Variants in RASGRF2 observed in about 807,000 individuals in gnomAD.
The protein encoded by RASGRF2 is ras-specific guanine nucleotide-releasing factor 2.
In RASGRF2, 76 loss-of-function variants were observed where a neutral mutation model predicts 151.0. The observed-to-expected ratio is 0.50, with a 90% CI of 0.42 to 0.61. The LOEUF (loss-of-function observed/expected upper bound fraction) is 0.61. Ranked by LOEUF, RASGRF2 falls within the 20% of genes least tolerant of loss-of-function variation. The probability of loss-of-function intolerance (pLI) is 0.00; values close to 1 mark genes in which losing one functional copy is unlikely to be tolerated. For synonymous variants in RASGRF2, 504 were observed against 566.5 expected, an observed-to-expected ratio of 0.89 and a Z score of 1.57; for missense variants, 1,148 against 1,564.6, an observed-to-expected ratio of 0.73 and a Z score of 4.49.
chr5:81,183,027 T>G (rs1164697871), intron 18 of RASGRF2, among the ~76,000 whole-genome samples: 3 of 152,218 alleles, frequency 2.0e-5, no homozygotes, highest in African/African-American at 7.2e-5. Context: ...TTGTACTAGT[T>G]GAGTCCATTT....
In RASGRF2 at chr5:81,227,823, A is replaced by C. The variant is rs1004058788; in HGVS notation, c.*2053A>C. ...TTCTACTCTGCCTTGGAGTTGCCAGAGTCCTTCAGAGGGAAAGGGATGGTT... is the reference window on the plus strand; with the variant it reads ...TTCTACTCTGCCTTGGAGTTGCCAGCGTCCTTCAGAGGGAAAGGGATGGTT... On this transcript the variant is annotated 3_prime_UTR_variant, in exon 27 of 27. Transcript: ENST00000265080. 1.4e-4 allele frequency: 22 copies of C among 152,176 alleles called. No homozygotes were observed. Among genetic ancestry groups the C allele is most frequent in the African/African-American group, 5.3e-4 (22 of 41,430 alleles). 9.4% of individuals were successfully genotyped at this position (152,176 alleles called of 1,614,324 possible). A position where few individuals can be genotyped will look rare whatever the true frequency, so the allele number is the denominator to read the frequency against.
chr5:81,038,522 G>A (rs903220719), intron 1 of RASGRF2, among the ~76,000 whole-genome samples: 1 of 130,752 alleles, frequency 7.6e-6, no homozygotes, highest in Non-Finnish European at 1.7e-5. Flanking sequence ...TTTTTTGCCT[G>A]TATTTATATT....
chr5:81,131,268 C>T (rs1382310571), intron 17 of RASGRF2, among the ~76,000 whole-genome samples: 3 of 152,002 alleles, frequency 2.0e-5, no homozygotes, highest in African/African-American at 7.2e-5. Context: ...TGGGTGGTGC[C>T]CTGTGATCTG....
rs532126482 is a variant in RASGRF2 at position 81,225,547 on chromosome 5, T to G, written c.3622-131T>G. 2,641 of 1,381,558 alleles carry G rather than the reference T, an allele frequency of 1.9e-3. 3 individuals are homozygous for G. The highest frequency in any genetic ancestry group is 2.1e-3 in the Non-Finnish European group (2,175 of 1,046,188). 85.6% of individuals were successfully genotyped at this position (1,381,558 alleles called of 1,614,324 possible). The stretch of plus-strand genomic sequence containing the variant: ...TTTTTTTTTAACAATGGAAACATAT[T>G]TATGATTTTTTGGTCAAATAAGATT... On this transcript the variant is annotated intron_variant, in intron 26 of 26. Coordinates refer to ENST00000265080, the MANE Select transcript of RASGRF2 (RefSeq NM_006909.3).
rs527973086 is a variant in RASGRF2, at chr5:80,985,958, C to T, written c.288+24932C>T. ...GTGTGTGTGTGTATGTGTGTGTAAG[C>T]GTTTTATTTGTTTCCATGGTGAAAT... On this transcript the variant is annotated intron_variant, in intron 1 of 26. Coordinates refer to ENST00000265080, the MANE Select transcript of RASGRF2 (RefSeq NM_006909.3). Among the ~76,000 whole-genome samples the T allele has an allele frequency of 4.0e-5, 6 of 151,724 alleles. No homozygotes were observed. In the South Asian group the frequency reaches 1.0e-3, roughly 26 times the overall value.
chr5:81,003,636 A>G (rs1749170210), intron 1 of RASGRF2, among the ~76,000 whole-genome samples: 1 of 152,238 alleles, frequency 6.6e-6, no homozygotes, highest in Admixed American at 6.5e-5. Context: ...TGCTGAGATT[A>G]CAGGCATGAG....
At chr5:81,060,060 GC>G (rs889135283) in intron 2 of RASGRF2, among the ~76,000 whole-genome samples, 7 of 152,112 alleles carry the variant, frequency 4.6e-5, no homozygotes, top group Non-Finnish European at 1.5e-5. Context: ...GAGAGAAGAT[GC>G]CACACATTTT....
At chr5:81,102,974 G>A (rs1027438257) in intron 12 of RASGRF2, among the ~76,000 whole-genome samples, 4 of 152,036 alleles carry the variant, frequency 2.6e-5, no homozygotes, top group Admixed American at 2.0e-4. Flanking sequence ...TAGAATTAGC[G>A]CTACAAGAAC....
chr5:81,188,213 A>T (rs905795793), intron 18 of RASGRF2, among the ~76,000 whole-genome samples: 3 of 152,106 alleles, frequency 2.0e-5, no homozygotes, highest in African/African-American at 7.2e-5. Flanking sequence ...CTGCCCCTTA[A>T]AGAGCGGATC....
At chr5:81,208,935 A>G (rs1755572346) in intron 22 of RASGRF2, among the ~76,000 whole-genome samples, 1 of 152,202 alleles carries the variant, frequency 6.6e-6, no homozygotes, top group Admixed American at 6.5e-5. Flanking sequence ...ATAATGTCCA[A>G]TTAACTTCCT....
At chr5:81,182,441 C>T (rs537191262) in intron 18 of RASGRF2, among the ~76,000 whole-genome samples, 4 of 152,304 alleles carry the variant, frequency 2.6e-5, no homozygotes, top group East Asian at 1.9e-4. Flanking sequence ...AGTACACGAC[C>T]GTGTGCAGGA....
intron 1 of RASGRF2, among the ~76,000 whole-genome samples, chr5:81,025,505 A>G (rs1335138368): frequency 6.6e-6 from 1 of 152,180 alleles, no homozygotes; most frequent in Non-Finnish European, 1.5e-5. Context: ...CTCCGTGAAG[A>G]AATTTATGAT....
rs1466151520 is a variant in RASGRF2, at chr5:81,094,356, G to A, written c.1612G>A (p.Asp538Asn). ...TLIEEPDASD[D>N]DSKGSGQVFG... is the part of the protein sequence containing the mutation. Reference sequence around the variant, plus strand: ...GATTGAGGAGCCAGATGCAAGCGATGATGACTGTAAGTCACCTTCGATCAC... The same window carrying A: ...GATTGAGGAGCCAGATGCAAGCGATAATGACTGTAAGTCACCTTCGATCAC... The change falls in exon 11 of 27, where the codon GAT becomes AAT. Residue 538 changes from aspartate to asparagine, a missense_variant. By Grantham distance (23) the Asp-to-Asn change is conservative. Coordinates refer to ENST00000265080, the MANE Select transcript of RASGRF2 (RefSeq NM_006909.3). The A allele has an allele frequency of 4.3e-6, 7 of 1,612,216 alleles. No individual in the cohort carries two copies. In the Admixed American group the frequency reaches 1.2e-4, roughly 27 times the overall value.
At chr5:81,211,322 C>T (rs1755627029) in intron 22 of RASGRF2, among the ~76,000 whole-genome samples, 2 of 152,124 alleles carry the variant, frequency 1.3e-5, no homozygotes, top group Admixed American at 6.5e-5. Flanking sequence ...CTCCCCTTCC[C>T]ACCTACCTAG....
intron 17 of RASGRF2, among the ~76,000 whole-genome samples, chr5:81,147,787 T>C (rs1754039019): frequency 6.6e-6 from 1 of 152,218 alleles, no homozygotes; most frequent in Non-Finnish European, 1.5e-5. Context: ...CTTCTTGTTT[T>C]TGAGATCCTG....
At chr5:80,972,485 G>GT (rs35832264) in intron 1 of RASGRF2, among the ~76,000 whole-genome samples, 27,509 of 150,896 alleles carry the variant, frequency 0.18, 2,812 homozygotes, top group East Asian at 0.43. Flanking sequence ...ATTGGTCTCT[G>GT]TTTTTTTCTT....
At chr5:81,203,125 T>C (rs1259956392) in intron 19 of RASGRF2, among the ~76,000 whole-genome samples, 1 of 152,232 alleles carries the variant, frequency 6.6e-6, no homozygotes, top group East Asian at 1.9e-4. Context: ...TAAGTACATA[T>C]TGAGGTGAAG....
At chr5:81,200,739 G>A (rs895556772) in intron 18 of RASGRF2, among the ~76,000 whole-genome samples, 4 of 152,156 alleles carry the variant, frequency 2.6e-5, no homozygotes, top group African/African-American at 4.8e-5. Flanking sequence ...TACGTGTGCC[G>A]TGGGTGCACA....
chr5:81,137,913 A>AT (rs1753791554), intron 17 of RASGRF2, among the ~76,000 whole-genome samples: 1 of 152,226 alleles, frequency 6.6e-6, no homozygotes. Context: ...CAGACAGGTT[A>AT]TATCAGATAA....
Sources: gnomAD v4.1 joint callset for allele counts (sites outside exome capture counted in the v4.1 genomes callset) on GRCh38, gnomAD v4.1.1 for gene constraint, MANE v1.5 for transcripts, NCBI Gene and HGNC (gene_info 2026-07-23, HGNC 2026-07-21) for gene names.